COPS6: variants seen among roughly 807,000 people sequenced by gnomAD.
COPS6 encodes COP9 signalosome complex subunit 6.
Under a neutral mutation model 41.0 loss-of-function variants are expected in COPS6, and 9 were observed. The observed-to-expected ratio is 0.22, with a 90% CI of 0.13 to 0.38. The LOEUF (loss-of-function observed/expected upper bound fraction) is 0.38. Ranked by LOEUF, COPS6 falls within the 10% of genes least tolerant of loss-of-function variation. COPS6 has a pLI of 1.00. For synonymous variants in COPS6, 179 were observed against 162.9 expected, an observed-to-expected ratio of 1.10 and a Z score of -0.75; for missense variants, 302 against 436.7, an observed-to-expected ratio of 0.69 and a Z score of 2.75.
In COPS6 at chr7:100,091,289, G is replaced by C; in HGVS notation, c.701G>C (p.Arg234Pro). The part of the protein sequence containing the change: ...QHSAIKMLHS[R>P]VKLILEYVKA... ...AGCGCCATCAAGATGCTGCACAGCCGCGTCAAGCTCATCTTGGAGTACGTC... is the reference window on the plus strand; with the variant it reads ...AGCGCCATCAAGATGCTGCACAGCCCCGTCAAGCTCATCTTGGAGTACGTC... Residue 234 changes from arginine (R) to proline (P), a missense_variant, in exon 8 of 10, where the codon CGC (arginine) becomes CCC (proline). This residue lies in a region of COPS6 where 222 missense variants were observed against 309.0 expected (regional missense o/e 0.72). Coordinates refer to ENST00000303904, the MANE Select transcript of COPS6 (RefSeq NM_006833.5). The surrounding 1 kb of genome is among the most constrained non-coding windows in gnomAD (Gnocchi z 4.1). 6.2e-7 allele frequency: 1 copy of C among 1,614,152 alleles called. No homozygotes were observed. The highest frequency in any genetic ancestry group is 1.1e-5 in the South Asian group (1 of 91,086).
At chr7:100,089,943 A>T (rs905675460) in intron 3 of COPS6, 197 bp downstream of exon 3, 1 of 564,586 alleles carries the variant, frequency 1.8e-6, no homozygotes, top group Admixed American at 3.2e-5. Flanking sequence ...GGATGAGAGG[A>T]GACAGGATAG....
intron 1 of COPS6, 68 bp from the exon 2 acceptor site, chr7:100,089,222 C>G (rs1239122202): frequency 9.6e-6 from 15 of 1,555,426 alleles, no homozygotes; most frequent in Middle Eastern, 1.7e-4. Context: ...CGCCGTCCCC[C>G]ACTGCCATCT....
rs900896997 is a variant in COPS6 at position 100,090,258 on chromosome 7, G to T, written c.335-141G>T. On this transcript the variant is annotated intron_variant, in intron 3 of 9. Coordinates refer to ENST00000303904, the MANE Select transcript of COPS6 (RefSeq NM_006833.5). ...AGCTACGCGGGATGCTGAGGCAGGA[G>T]AATTGCTTGAACCTGGGAGGCGGAG... 8.8e-5 allele frequency: 56 copies of T among 637,600 alleles called. No homozygotes were observed. The East Asian group carries it at 1.4e-3, about 16-fold the overall frequency. 39.5% of individuals were successfully genotyped at this position (637,600 alleles called of 1,614,324 possible).
chr7:100,090,364 A>G (rs1795294796), intron 3 of COPS6, 35 bp from the exon 4 acceptor site: 19 of 1,441,882 alleles, frequency 1.3e-5, no homozygotes, highest in Admixed American at 1.9e-5. Context: ...AAAAAAAAAA[A>G]GAATTACTAT....
chr7:100,092,062 C>T lies in COPS6; in HGVS notation c.*273C>T, dbSNP rs1007419249. ...AGTGACCCCATGTCAGTCACATGGA[C>T]TGGTCTTTAGCAAAGTCCAAGGCTG... On this transcript the variant is annotated 3_prime_UTR_variant, in exon 10 of 10. Coordinates refer to ENST00000303904, the MANE Select transcript of COPS6 (RefSeq NM_006833.5). The T allele has an allele frequency of 8.3e-6, 4 of 482,870 alleles. No homozygotes were observed. The Admixed American group carries it at 1.4e-4, about 17-fold the overall frequency. The allele number at this position is 482,870 out of a possible 1,614,324, so 29.9% of individuals were successfully genotyped here.
Position 100,089,928 on chromosome 7 carries a change from G to GAGTT in COPS6, c.334+182_334+183insAGTT, listed in dbSNP as rs1338297426. On this transcript the variant is annotated intron_variant, in intron 3 of 9. Transcript: ENST00000303904. Reference sequence around the variant, plus strand: ...GTTCAGAGTTCTTTCTCAAAAGAAAGCAAAGGATGAGAGGAGACAGGATAG... The same window carrying GAGTT: ...GTTCAGAGTTCTTTCTCAAAAGAAAGAGTTCAAAGGATGAGAGGAGACAGGATAG... 4 of 602,132 alleles carry GAGTT rather than the reference G, an allele frequency of 6.6e-6. No homozygotes were observed. The East Asian group carries it at 1.2e-4, about 18-fold the overall frequency. The allele number at this position is 602,132 out of a possible 1,614,324, so 37.3% of individuals were successfully genotyped here.
intron 2 of COPS6, 69 bp from the exon 3 acceptor site, chr7:100,089,546 C>T: frequency 6.2e-7 from 1 of 1,600,298 alleles, no homozygotes; most frequent in Non-Finnish European, 8.5e-7. Context: ...ATGGTTCCCA[C>T]TGATCTCAGA....
Position 100,088,998 on chromosome 7 carries a change from C to T in COPS6, c.8C>T (p.Ala3Val). Residue 3 changes from alanine (A) to valine (V), a missense_variant, in exon 1 of 10, where the codon GCG becomes GTG. Ala to Val is a moderately conservative substitution (Grantham distance 64). Transcript: ENST00000303904. MA[A>V]AAAAAAATNG... ...CTGGCGGGCGCGGGGAAAATGGCGG[C>T]GGCGGCGGCGGCGGCTGCAGCTACG... The T allele has an allele frequency of 1.5e-6, 2 of 1,309,354 alleles. No individual in the cohort carries two copies. The highest frequency in any genetic ancestry group is 4.0e-5 in the Admixed American group (1 of 24,758). The allele number at this position is 1,309,354 out of a possible 1,614,324, so 81.1% of individuals were successfully genotyped here.
In COPS6 at chr7:100,091,400, GTC is replaced by G. The variant is rs1795315609; in HGVS notation, c.743-16_743-15del. ...AAGTGACAGCATCCAAACTAATGTA[GTC>G]TCTTTTTGTGCCTTTAGGAGAGGTC... On this transcript the variant is annotated intron_variant, in intron 8 of 9. Transcript: ENST00000303904. The surrounding 1 kb of genome is among the most constrained non-coding windows in gnomAD (Gnocchi z 4.1). 6.2e-7 allele frequency: 1 copy of G among 1,613,260 alleles called. No homozygotes were observed. The highest frequency in any genetic ancestry group is 1.3e-5 in the African/African-American group (1 of 74,880).
chr7:100,089,323 G>A lies in COPS6; in HGVS notation c.110G>A (p.Gly37Glu). The A allele has an allele frequency of 1.2e-6, 2 of 1,614,092 alleles. No individual in the cohort carries two copies. The highest frequency in any genetic ancestry group is 1.7e-6 in the Non-Finnish European group (2 of 1,180,002). Residue 37 changes from glycine to glutamate, a missense_variant, in exon 2 of 10, where the codon GGG (glycine) becomes GAG (glutamate). Around this residue, in one of 3 missense-constraint regions of COPS6, gnomAD observed 76 missense variants for 97.9 expected, o/e 0.78. Transcript: ENST00000303904. ...VPSVMACGVT[G>E]SVSVALHPLV... ...AGCGTGATGGCCTGCGGAGTGACTG[G>A]GAGTGTTTCCGTCGCTCTCCATCCC...
At chr7:100,090,349 G>GA (rs376860735) in intron 3 of COPS6, 50 bp from the exon 4 acceptor site, 116,333 of 1,120,138 alleles carry the variant, frequency 0.1, 7 homozygotes, top group Non-Finnish European at 0.11. Flanking sequence ...TTCCGTCTCA[G>GA]AAAAAAAAAA....
chr7:100,091,721 G>A lies in COPS6; in HGVS notation c.916G>A (p.Val306Met), dbSNP rs973707596. The A allele has an allele frequency of 2.5e-6, 4 of 1,614,242 alleles. No homozygotes were observed. The highest frequency in any genetic ancestry group is 2.7e-5 in the African/African-American group (2 of 75,056). ...TKTCNTMNQF[V>M]NKFNVLYDRQ... is the part of the protein sequence containing the mutation. ...AACGTGCAACACCATGAACCAGTTT[G>A]TGAACAAGTTCAATGTCCTCTACGA... is the stretch of plus-strand genomic sequence containing the variant. The change falls in exon 10 of 10, where the codon GTG (valine) becomes ATG (methionine). Residue 306 changes from valine (V) to methionine (M), a missense_variant. This residue lies in a region of COPS6 where 222 missense variants were observed against 309.0 expected (regional missense o/e 0.72). Transcript: ENST00000303904. This position sits in a 1 kb window ranked among gnomAD's most constrained non-coding sequence, Gnocchi z 4.1.
chr7:100,091,664 G>C lies in COPS6; in HGVS notation c.859G>C (p.Gly287Arg). The C allele has an allele frequency of 6.2e-7, 1 of 1,614,206 alleles. No homozygotes were observed. The highest frequency in any genetic ancestry group is 8.5e-7 in the Non-Finnish European group (1 of 1,180,050). ...TCCCTCCCAGCAATGCAACGACGTG[G>C]GGCTCATGGCCTACCTCGGCACCAT... ...TDFYDQCNDV[G>R]LMAYLGTITK... is the part of the protein sequence containing the mutation. The change falls in exon 10 of 10, where the codon GGG (glycine) becomes CGG (arginine). Residue 287 changes from glycine (G) to arginine (R), a missense_variant. By Grantham distance (125) the Gly-to-Arg change is moderately radical. Coordinates refer to ENST00000303904, the MANE Select transcript of COPS6 (RefSeq NM_006833.5). The surrounding 1 kb of genome is among the most constrained non-coding windows in gnomAD (Gnocchi z 4.1).
At chr7:100,089,479 T>C in intron 2 of COPS6, 64 bp downstream of exon 2, 1 of 1,609,202 alleles carries the variant, frequency 6.2e-7, no homozygotes, top group Non-Finnish European at 8.5e-7. Context: ...AGTGGTCTTT[T>C]CCCCTTCCTC....
chr7:100,089,775 G>A (rs781227844), intron 3 of COPS6, 29 bp downstream of exon 3: 4 of 1,607,524 alleles, frequency 2.5e-6, no homozygotes, highest in South Asian at 2.2e-5. Flanking sequence ...TGGGGAAGAG[G>A]AGTGGGAGTT....
rs1329949381 is a variant in COPS6 at position 100,089,400 on chromosome 7, G to GGGC, written c.191_193dup (p.Arg64dup). ...CTGGATCCGCATGCGCTCCCAGGAG[G>GGGC]GGCGGCCTGTGCAGGGTGAGTGTTG... On this transcript the variant is annotated inframe_insertion, in exon 2 of 10. Transcript: ENST00000303904. 1 of 1,614,070 alleles carries GGGC rather than the reference G, an allele frequency of 6.2e-7. No homozygotes were observed. Among genetic ancestry groups the GGGC allele is most frequent in the East Asian group, 2.2e-5 (1 of 44,878 alleles).
intron 1 of COPS6, 91 bp downstream of exon 1, chr7:100,089,157 A>G: frequency 6.7e-7 from 1 of 1,503,596 alleles, no homozygotes; most frequent in South Asian, 1.3e-5. Flanking sequence ...AGGAGGGCGG[A>G]GCAGCAACAT....
chr7:100,091,176 G>A lies in COPS6; in HGVS notation c.649+24G>A. 1 of 1,613,968 alleles carries A rather than the reference G, an allele frequency of 6.2e-7. No individual in the cohort carries two copies. Among genetic ancestry groups the A allele is most frequent in the Non-Finnish European group, 8.5e-7 (1 of 1,179,796 alleles). On this transcript the variant is annotated intron_variant, in intron 7 of 9. Coordinates refer to ENST00000303904, the MANE Select transcript of COPS6 (RefSeq NM_006833.5). The surrounding 1 kb of genome is among the most constrained non-coding windows in gnomAD (Gnocchi z 4.1). ...TGGTAATGGAGGGGATTCCTTGGAA[G>A]TGGGGTTGGAAGGTGTGGCCACATC...
chr7:100,092,172 A>C lies in COPS6; in HGVS notation c.*383A>C. On this transcript the variant is annotated 3_prime_UTR_variant, in exon 10 of 10. Coordinates refer to ENST00000303904, the MANE Select transcript of COPS6 (RefSeq NM_006833.5). The stretch of plus-strand genomic sequence containing the variant: ...ACCTAGCCCACCCAACCTTATAAAC[A>C]TGATAATTGACTACTTTCCTGAGCT... 4 of 188,040 alleles carry C rather than the reference A, an allele frequency of 2.1e-5. No homozygotes were observed. The highest frequency in any genetic ancestry group is 1.4e-4 in the East Asian group (1 of 7,154). 11.6% of individuals were successfully genotyped at this position (188,040 alleles called of 1,614,324 possible).
Sources: gnomAD v4.1 joint callset for allele counts on GRCh38, gnomAD v4.1.1 for gene constraint, gnomAD v4.1.1 regional missense constraint, Gnocchi (gnomAD v3.1) non-coding constraint, MANE v1.5 for transcripts, NCBI Gene and HGNC (gene_info 2026-07-23, HGNC 2026-07-21) for gene names.